Variants in RPS6KA2 observed in about 807,000 individuals in gnomAD.
The protein encoded by RPS6KA2 is ribosomal protein S6 kinase A2.
Under a neutral mutation model 91.8 loss-of-function variants are expected in RPS6KA2, and 42 were observed. The observed-to-expected ratio is 0.46, with a 90% CI of 0.36 to 0.59. The LOEUF is 0.59. Ranked by LOEUF, RPS6KA2 falls within the 20% of genes least tolerant of loss-of-function variation. The pLI, the probability that RPS6KA2 is intolerant of heterozygous loss-of-function variation, is 0.00. For missense variants in RPS6KA2, 798 were observed against 978.5 expected (o/e 0.82, Z 2.46); for synonymous variants, 414 against 393.6 (o/e 1.05, Z -0.61).
intron 2 of RPS6KA2, among the ~76,000 whole-genome samples, chr6:166,757,074 A>T (rs1778033510): frequency 6.6e-6 from 1 of 151,904 alleles, no homozygotes; most frequent in African/African-American, 2.4e-5. Flanking sequence ...ACCATCACAT[A>T]AAAAAAAGCA....
intron 2 of RPS6KA2, among the ~76,000 whole-genome samples, chr6:166,695,162 G>A (rs12662678): frequency 0.097 from 14,838 of 152,242 alleles, 1,006 homozygotes; most frequent in East Asian, 0.32. Flanking sequence ...ATGGACTCAG[G>A]AAGACTTGAA....
At chr6:166,631,453 T>A (rs1787071977), upstream of RPS6KA2, among the ~76,000 whole-genome samples, 1 of 152,212 alleles carries the variant, frequency 6.6e-6, no homozygotes. Flanking sequence ...GGCACAGGGC[T>A]CACAGAAGGT....
chr6:166,420,012 G>T, intron 17 of RPS6KA2, 54 bp from the exon 18 acceptor site: 2 of 1,532,702 alleles, frequency 1.3e-6, no homozygotes, highest in South Asian at 1.1e-5. Flanking sequence ...CATTCAGATT[G>T]ACAGCACGTT....
chr6:166,753,556 C>T (rs1317486025), intron 2 of RPS6KA2, among the ~76,000 whole-genome samples: 1 of 152,150 alleles, frequency 6.6e-6, no homozygotes, highest in African/African-American at 2.4e-5. Context: ...CAAACACACA[C>T]AGCAACTCGG....
rs999442041 is a variant in RPS6KA2, at chr6:166,508,123, A to G, written c.459+80T>C. On this transcript the variant is annotated intron_variant, in intron 5 of 20. Transcript: ENST00000265678. The surrounding 1 kb of genome is among the most constrained non-coding windows in gnomAD (Gnocchi z 4.3). ...CTCTCGCACGTGCTCACGTCCTCTC[A>G]ATGCTCTCCACCCCTCCTCCCCTCG... 8.5e-5 allele frequency: 76 copies of G among 890,590 alleles called. No homozygotes were observed. The highest frequency in any genetic ancestry group is 1.3e-4 in the Non-Finnish European group (72 of 546,764). The allele number at this position is 890,590 out of a possible 1,614,324, so 55.2% of individuals were successfully genotyped here.
intron 15 of RPS6KA2, among the ~76,000 whole-genome samples, chr6:166,432,013 C>G (rs758512103): frequency 3.9e-5 from 6 of 152,102 alleles, no homozygotes; most frequent in Non-Finnish European, 7.4e-5. Flanking sequence ...TGAGGTAGGC[C>G]CAATATCCTG....
At chr6:166,460,371 T>C (rs1472827900) in intron 11 of RPS6KA2, among the ~76,000 whole-genome samples, 2 of 152,206 alleles carry the variant, frequency 1.3e-5, no homozygotes, top group East Asian at 1.9e-4. Flanking sequence ...GGGAATTCAA[T>C]GTAAAGAAAG....
intron 2 of RPS6KA2, among the ~76,000 whole-genome samples, chr6:166,829,087 C>T (rs1023170248): frequency 7.9e-5 from 12 of 152,238 alleles, no homozygotes; most frequent in East Asian, 1.9e-4. Flanking sequence ...CACGGAGAAA[C>T]GCTCAACATC....
intron 1 of RPS6KA2, among the ~76,000 whole-genome samples, chr6:166,614,176 T>C (rs190448251): frequency 5.3e-5 from 8 of 152,372 alleles, no homozygotes; most frequent in African/African-American, 1.4e-4. Flanking sequence ...CATGGCTCCC[T>C]GCCATGCCTT....
chr6:166,638,031 G>A (rs761432395), intron 2 of RPS6KA2, among the ~76,000 whole-genome samples: 38 of 152,366 alleles, frequency 2.5e-4, no homozygotes, highest in African/African-American at 2.9e-4. Context: ...GCCAGCCTTC[G>A]CCCAGGGGCA....
intron 2 of RPS6KA2, among the ~76,000 whole-genome samples, chr6:166,830,962 G>A (rs945262467): frequency 4.6e-5 from 7 of 152,172 alleles, no homozygotes; most frequent in Non-Finnish European, 1.0e-4. Context: ...CTCTCCCTTG[G>A]GCTGGGTCAC....
chr6:166,449,159 A>G (rs1779771542), intron 13 of RPS6KA2, among the ~76,000 whole-genome samples: 1 of 152,166 alleles, frequency 6.6e-6, no homozygotes, highest in African/African-American at 2.4e-5. Flanking sequence ...GTGAAAAGGA[A>G]GTGCTGGCAG....
At chr6:166,708,337 CATT>C (rs1789746465) in intron 2 of RPS6KA2, among the ~76,000 whole-genome samples, 1 of 152,060 alleles carries the variant, frequency 6.6e-6, no homozygotes, top group East Asian at 1.9e-4. Flanking sequence ...ATAAAGTAAA[CATT>C]ATACAGTTGG....
chr6:166,614,655 G>A (rs369692651), intron 1 of RPS6KA2, among the ~76,000 whole-genome samples: 30 of 152,214 alleles, frequency 2.0e-4, no homozygotes, highest in East Asian at 7.7e-4. Flanking sequence ...TGTGGAGATC[G>A]GAAGTTCGGG....
chr6:166,790,222 G>A (rs971479373), intron 2 of RPS6KA2, among the ~76,000 whole-genome samples: 3 of 152,222 alleles, frequency 2.0e-5, no homozygotes, highest in Non-Finnish European at 2.9e-5. Flanking sequence ...GAATGCAGAA[G>A]CCTCAGGAGC....
At chr6:166,792,111 T>C (rs964445341) in intron 2 of RPS6KA2, among the ~76,000 whole-genome samples, 2 of 151,854 alleles carry the variant, frequency 1.3e-5, no homozygotes, top group African/African-American at 4.8e-5. Context: ...ACAAAATTCA[T>C]TGACCACTAG....
intron 16 of RPS6KA2, among the ~76,000 whole-genome samples, chr6:166,428,050 A>G (rs1426545006): frequency 1.3e-5 from 2 of 151,858 alleles, no homozygotes; most frequent in African/African-American, 4.9e-5. Context: ...CTGACTTCAA[A>G]CTATACTACA....
chr6:166,714,549 T>C (rs1193845791), intron 2 of RPS6KA2, among the ~76,000 whole-genome samples: 2 of 152,158 alleles, frequency 1.3e-5, no homozygotes, highest in African/African-American at 4.8e-5. Context: ...GCCCTAACTG[T>C]GCCTGACTGG....
intron 2 of RPS6KA2, among the ~76,000 whole-genome samples, chr6:166,841,768 G>A (rs1050566854): frequency 6.6e-6 from 1 of 152,216 alleles, no homozygotes; most frequent in Non-Finnish European, 1.5e-5. Context: ...TGGTATGACG[G>A]TAACACCCCG....
Sources: allele counts gnomAD v4.1 joint callset (sites outside exome capture counted in the v4.1 genomes callset), GRCh38; gene constraint gnomAD v4.1.1; non-coding constraint Gnocchi (gnomAD v3.1); transcripts MANE v1.5; gene names NCBI Gene and HGNC (gene_info 2026-07-23, HGNC 2026-07-21).